POLR1B: variants seen among roughly 807,000 people sequenced by gnomAD.
The protein encoded by POLR1B is RNA polymerase I subunit B, also known as DNA-directed RNA polymerase I subunit RPA2.
POLR1B carries 30 observed loss-of-function variants against 105.8 expected under a neutral mutation model. The ratio of observed to expected loss-of-function variants is 0.28; its 90% CI spans 0.21 to 0.38. The LOEUF (loss-of-function observed/expected upper bound fraction) is 0.38, where lower values mean the gene tolerates loss of function less well. Ranked by LOEUF, POLR1B falls within the 10% of genes least tolerant of loss-of-function variation. The pLI, the probability that POLR1B is intolerant of heterozygous loss-of-function variation, is 1.00. For missense variants in POLR1B, 976 were observed against 1,435.8 expected (o/e 0.68, Z 5.17); for synonymous variants, 485 against 505.1 (o/e 0.96, Z 0.53).
At position 112,559,143 on chromosome 2, in the gene POLR1B, CTT is replaced by C. The variant is rs1308542644; in HGVS notation, c.1331-148_1331-147del. 7 of 1,007,216 alleles carry C rather than the reference CTT, an allele frequency of 6.9e-6. No homozygotes were observed. The African/African-American group carries it at 1.1e-4, about 16-fold the overall frequency. 62.4% of individuals were successfully genotyped at this position (1,007,216 alleles called of 1,614,324 possible). A position where few individuals can be genotyped will look rare whatever the true frequency, so the allele number is the denominator to read the frequency against. ...TATTTTACATATTTTTTTGTGAACT[CTT>C]TACACTCATCAGAGCTAGGAGAATA... On this transcript the variant is annotated intron_variant, in intron 8 of 14. Coordinates refer to ENST00000263331, the MANE Select transcript of POLR1B (RefSeq NM_019014.6).
Position 112,551,878 on chromosome 2 carries a change from T to C in POLR1B, c.866T>C (p.Val289Ala). ...RNSVSQMLRI[V>A]MEEGCSTQKQ... ...TCTGTTTCTCAGATGTTAAGGATTG[T>C]AATGGAAGAGGGTTGTTCGACACAA... Residue 289 changes from valine to alanine, a missense_variant, in exon 6 of 15, where the codon GTA (valine) becomes GCA (alanine). Val to Ala is a moderately conservative substitution (Grantham distance 64). Coordinates refer to ENST00000263331, the MANE Select transcript of POLR1B (RefSeq NM_019014.6). 6.2e-7 allele frequency: 1 copy of C among 1,614,016 alleles called. No individual in the cohort carries two copies. Among genetic ancestry groups the C allele is most frequent in the Non-Finnish European group, 8.5e-7 (1 of 1,179,840 alleles).
intron 7 of POLR1B, among the ~76,000 whole-genome samples, chr2:112,556,999 T>C (rs1046560779): frequency 2.0e-5 from 3 of 152,146 alleles, no homozygotes; most frequent in African/African-American, 7.2e-5. Flanking sequence ...AAATATACAA[T>C]AAGGCTGGGT....
At chr2:112,562,457 A>G (rs1298797318) in intron 9 of POLR1B, among the ~76,000 whole-genome samples, 1 of 152,048 alleles carries the variant, frequency 6.6e-6, no homozygotes, top group South Asian at 2.1e-4. Flanking sequence ...CCCCGGAGAT[A>G]TTGCAGGTTT....
chr2:112,559,776 G>A lies in POLR1B; in HGVS notation c.1612+202G>A, dbSNP rs3789723. ...CTCCCGAGTAGCTGGAACTACAGGC[G>A]CCCGCCACCACACCCGGCTAATTTT... On this transcript the variant is annotated intron_variant, in intron 9 of 14. Coordinates refer to ENST00000263331, the MANE Select transcript of POLR1B (RefSeq NM_019014.6). Among the ~76,000 whole-genome samples, 58,609 of 151,670 alleles carry A rather than the reference G, an allele frequency of 0.39. 12,501 individuals carry two copies. The highest frequency in any genetic ancestry group is 0.48 in the Non-Finnish European group (32,803 of 67,904).
At chr2:112,573,536 CTT>C (rs1352273715) in intron 13 of POLR1B, 24 bp from the exon 14 acceptor site, 86 of 1,599,116 alleles carry the variant, frequency 5.4e-5, no homozygotes, top group Admixed American at 7.0e-5. Flanking sequence ...TGGCCTCAGT[CTT>C]TTAACGATTC....
At chr2:112,542,411 C>T, upstream of POLR1B, 4 of 1,612,496 alleles carry the variant, frequency 2.5e-6, no homozygotes, top group Non-Finnish European at 3.4e-6. Context: ...GGAAACGGGA[C>T]TGCGGCCACT....
intron 12 of POLR1B, among the ~76,000 whole-genome samples, chr2:112,572,234 A>G (rs1274082902): frequency 6.6e-6 from 1 of 152,142 alleles, no homozygotes; most frequent in Non-Finnish European, 1.5e-5. Context: ...GTCCCCTTCT[A>G]AAGCTTTTAT....
At chr2:112,542,409 G>C (rs1399105439), upstream of POLR1B, 3 of 1,611,986 alleles carry the variant, frequency 1.9e-6, no homozygotes, top group South Asian at 1.1e-5. Flanking sequence ...GCGGAAACGG[G>C]ACTGCGGCCA....
chr2:112,568,153 T>C lies in POLR1B; in HGVS notation c.1917+16T>C, dbSNP rs1349034488. On this transcript the variant is annotated intron_variant, in intron 11 of 14. Transcript: ENST00000263331. ...TATGGAACAGGTAAATACATATGTG[T>C]GATGGATGAGTGTATGTGCTTGTTT... is the stretch of plus-strand genomic sequence containing the variant. 1 of 1,606,142 alleles carries C rather than the reference T, an allele frequency of 6.2e-7. No individual in the cohort carries two copies. Among genetic ancestry groups the C allele is most frequent in the African/African-American group, 1.3e-5 (1 of 74,752 alleles).
intron 8 of POLR1B, 55 bp downstream of exon 8, chr2:112,558,136 G>C (rs989904566): frequency 1.6e-6 from 2 of 1,256,722 alleles, no homozygotes; most frequent in Non-Finnish European, 1.0e-6. Flanking sequence ...GCTTAGTGTA[G>C]ATTTGCCTGT....
rs1363311056 is a variant in POLR1B, at chr2:112,567,303, TG to T, written c.1747-663del. On this transcript the variant is annotated intron_variant, in intron 10 of 14. Transcript: ENST00000263331. ...GAGTTCTGACACATGGGTTTGTTGT[TG>T]TTGTTGTTGTTGTTGTTGTTTTCAG... Among the ~76,000 whole-genome samples the T allele has an allele frequency of 9.2e-5, 14 of 152,154 alleles. No individual in the cohort carries two copies. The East Asian group carries it at 2.5e-3, about 27-fold the overall frequency.
At chr2:112,552,080 C>A in intron 6 of POLR1B, 82 bp downstream of exon 6, 2 of 1,117,974 alleles carry the variant, frequency 1.8e-6, no homozygotes, top group Non-Finnish European at 1.3e-6. Context: ...TTTGGGCGGG[C>A]GAGTCATTTG....
chr2:112,568,110 A>G lies in POLR1B; in HGVS notation c.1890A>G (p.Lys630=), dbSNP rs771009269. 9.9e-6 allele frequency: 16 copies of G among 1,613,998 alleles called. No homozygotes were observed. The Middle Eastern group carries it at 4.9e-4, about 50-fold the overall frequency. Residue 630 remains lysine, a synonymous_variant, in exon 11 of 15, where the codon AAA becomes AAG. Coordinates refer to ENST00000263331, the MANE Select transcript of POLR1B (RefSeq NM_019014.6). ...VRPVQNLALG[K]EELIGTMEQI... The stretch of plus-strand genomic sequence containing the variant: ...CTGTGCAGAACTTAGCATTGGGCAA[A>G]GAAGAGCTAATTGGAACTATGGAAC...
At chr2:112,555,580 C>T (rs1356581812) in intron 7 of POLR1B, among the ~76,000 whole-genome samples, 2 of 151,674 alleles carry the variant, frequency 1.3e-5, no homozygotes, top group African/African-American at 4.8e-5. Flanking sequence ...TGAGCCCAGG[C>T]GGCGGAGGAT....
chr2:112,558,169 C>A (rs1194954172), intron 8 of POLR1B, 88 bp downstream of exon 8: 3 of 1,067,548 alleles, frequency 2.8e-6, no homozygotes, highest in African/African-American at 3.3e-5. Context: ...TTTTTAAAAG[C>A]AAACCCCACG....
In POLR1B at chr2:112,578,030, C is replaced by A. The variant is rs149033700; in HGVS notation, c.*2301C>A. ...AGGTTCTGGCTACTGAATGATCCCA[C>A]AGCTGAGGTCTATTGTCATCGCTCC... is the stretch of plus-strand genomic sequence containing the variant. On this transcript the variant is annotated 3_prime_UTR_variant, in exon 15 of 15. Coordinates refer to ENST00000263331, the MANE Select transcript of POLR1B (RefSeq NM_019014.6). Among the ~76,000 whole-genome samples the A allele has an allele frequency of 1.3e-5, 2 of 152,258 alleles. No individual in the cohort carries two copies. The highest frequency in any genetic ancestry group is 3.9e-4 in the East Asian group (2 of 5,182).
rs1468935973 is a variant in POLR1B, at chr2:112,576,462, T to C, written c.*733T>C. On this transcript the variant is annotated 3_prime_UTR_variant, in exon 15 of 15. Coordinates refer to ENST00000263331, the MANE Select transcript of POLR1B (RefSeq NM_019014.6). The stretch of plus-strand genomic sequence containing the variant: ...GGCACCATGTTGTACAACAGATCTT[T>C]AGACCTTACTTGTCTTGCATAACTG... 6.6e-6 allele frequency: 1 copy of C among 152,246 alleles called. No individual in the cohort carries two copies. Among genetic ancestry groups the C allele is most frequent in the Non-Finnish European group, 1.5e-5 (1 of 68,054 alleles). 9.4% of individuals were successfully genotyped at this position (152,246 alleles called of 1,614,324 possible).
chr2:112,557,724 GCCCCACCCCCTCA>G (rs1279305425), intron 7 of POLR1B, among the ~76,000 whole-genome samples, 173 bp from the exon 8 acceptor site: 1 of 150,632 alleles, frequency 6.6e-6, no homozygotes, highest in Non-Finnish European at 1.5e-5. Context: ...CTACAGGCAC[GCCCCACCCCCTCA>G]CCCCACCCCC....
chr2:112,551,211 C>T (rs544489383), intron 5 of POLR1B, among the ~76,000 whole-genome samples: 36 of 152,278 alleles, frequency 2.4e-4, no homozygotes, highest in Admixed American at 1.5e-3. Context: ...AGTGCTTTGG[C>T]TGGGCACTTG....
Sources: gnomAD v4.1 joint callset for allele counts (sites outside exome capture counted in the v4.1 genomes callset) on GRCh38, gnomAD v4.1.1 for gene constraint, MANE v1.5 for transcripts, NCBI Gene and HGNC (gene_info 2026-07-23, HGNC 2026-07-21) for gene names.